Variants in SPDYE5 observed in about 807,000 individuals in gnomAD.
The protein encoded by SPDYE5 is speedy/RINGO cell cycle regulator family member E5.
SPDYE5 carries 15 observed loss-of-function variants against 48.5 expected under a neutral mutation model. The ratio of observed to expected loss-of-function variants is 0.31; its 90% CI spans 0.21 to 0.48. The LOEUF (loss-of-function observed/expected upper bound fraction) is 0.48, where lower values mean the gene tolerates loss of function less well. Among genes scored for constraint, SPDYE5 ranks in the 20% least tolerant of loss-of-function variants. The probability of loss-of-function intolerance (pLI) is 0.99; values close to 1 mark genes in which losing one functional copy is unlikely to be tolerated. For synonymous variants in SPDYE5, 116 were observed against 200.7 expected (o/e 0.58, Z 3.57); for missense variants, 331 against 549.1 (o/e 0.60, Z 3.97).
intron 8 of SPDYE5, among the ~76,000 whole-genome samples, chr7:75,502,351 T>C (rs1478854555): frequency 8.6e-5 from 13 of 151,534 alleles, no homozygotes; most frequent in Admixed American, 4.0e-4. Context: ...CAGTGAAGCT[T>C]TGGTTTACAT....
chr7:75,502,604 G>T (rs1793196790), intron 8 of SPDYE5, among the ~76,000 whole-genome samples: 1 of 150,240 alleles, frequency 6.7e-6, no homozygotes, highest in Non-Finnish European at 1.5e-5. Flanking sequence ...CTATGAAGCA[G>T]ATCACTGGGG....
Position 75,497,984 on chromosome 7 carries a change from G to A in SPDYE5, c.657G>A (p.Arg219=). ...TCCTGGCCTGGGACAAAGATCTGAG[G>A]GTGTCGGACAAGGTAAGGTTGTTCT... ...KRFLAWDKDL[R]VSDKYLLAMV... is the part of the protein sequence containing the mutation. Residue 219 remains arginine, a synonymous_variant, in exon 5 of 9, where the codon AGG becomes AGA. Coordinates refer to ENST00000625065, the MANE Select transcript of SPDYE5 (RefSeq NM_001306141.4). The A allele has an allele frequency of 6.3e-7, 1 of 1,596,450 alleles. No homozygotes were observed. The highest frequency in any genetic ancestry group is 8.5e-7 in the Non-Finnish European group (1 of 1,179,474).
intron 5 of SPDYE5, 21 bp from the exon 6 acceptor site, chr7:75,499,208 CTG>C: frequency 9.9e-7 from 1 of 1,007,390 alleles, no homozygotes; most frequent in Non-Finnish European, 1.6e-6. Flanking sequence ...CTCTCCCTCT[CTG>C]TGTTCCTTTC....
At position 75,503,791 on chromosome 7, in the gene SPDYE5, A is replaced by G. The variant is rs1793232570; in HGVS notation, c.*1004A>G. The G allele has an allele frequency of 1.3e-5, 2 of 149,632 alleles. No individual in the cohort carries two copies. Among genetic ancestry groups the G allele is most frequent in the African/African-American group, 4.9e-5 (2 of 41,074 alleles). The allele number at this position is 149,632 out of a possible 1,614,324, so 9.3% of individuals were successfully genotyped here. On this transcript the variant is annotated 3_prime_UTR_variant, in exon 9 of 9. Coordinates refer to ENST00000625065, the MANE Select transcript of SPDYE5 (RefSeq NM_001306141.4). ...TAAATATTATTTTATTTATTGAAAT[A>G]TTTATTAAATATATTTATTTAAATA...
At chr7:75,491,702 ATTTTTT>A (rs782071463), upstream of SPDYE5, among the ~76,000 whole-genome samples, 8 of 70,908 alleles carry the variant, frequency 1.1e-4, no homozygotes, top group African/African-American at 1.6e-4. Context: ...CTGTTTAGCC[ATTTTTT>A]TTTTTTTTTT....
chr7:75,500,610 C>T lies in SPDYE5; in HGVS notation c.756-752C>T, dbSNP rs1457554506. On this transcript the variant is annotated intron_variant, in intron 6 of 8. Coordinates refer to ENST00000625065, the MANE Select transcript of SPDYE5 (RefSeq NM_001306141.4). ...GTGCAGTGGTGAGATCATAGCTCAT[C>T]GCAGCCTCCATATCCTGGGCTCAAG... is the stretch of plus-strand genomic sequence containing the variant. 1.1e-4 allele frequency among the ~76,000 whole-genome samples: 17 copies of T among 151,008 alleles called. No individual in the cohort carries two copies. The East Asian group carries it at 1.2e-3, about 10-fold the overall frequency.
chr7:75,494,031 G>A lies in SPDYE5; in HGVS notation c.-17G>A, dbSNP rs1213326194. The A allele has an allele frequency of 2.6e-6, 3 of 1,168,176 alleles. No homozygotes were observed. Among genetic ancestry groups the A allele is most frequent in the Admixed American group, 2.7e-5 (1 of 37,548 alleles). 72.4% of individuals were successfully genotyped at this position (1,168,176 alleles called of 1,614,324 possible). A position where few individuals can be genotyped will look rare whatever the true frequency, so the allele number is the denominator to read the frequency against. On this transcript the variant is annotated 5_prime_UTR_variant, in exon 2 of 9. The change creates a new upstream start codon in the 5' untranslated region. Coordinates refer to ENST00000625065, the MANE Select transcript of SPDYE5 (RefSeq NM_001306141.4). ...TAACATACTCTTCTGGATCCTAGCA[G>A]TGATCAGAAGAAGGCCATGGACAGA...
rs1317359438 is a variant in SPDYE5 at position 75,493,942 on chromosome 7, T to C, written c.-106T>C. 1.1e-5 allele frequency: 17 copies of C among 1,498,970 alleles called. No homozygotes were observed. Among genetic ancestry groups the C allele is most frequent in the Admixed American group, 2.1e-5 (1 of 47,674 alleles). The allele number at this position is 1,498,970 out of a possible 1,614,324, so 92.9% of individuals were successfully genotyped here. ...GGACTCCGTGGTGCCTGGAGATCAG[T>C]TGGACAACAGTATCTTCTCAGAGCT... On this transcript the variant is annotated 5_prime_UTR_variant, in exon 2 of 9. Transcript: ENST00000625065.
chr7:75,503,197 A>T lies in SPDYE5; in HGVS notation c.*410A>T, dbSNP rs1161940532. The stretch of plus-strand genomic sequence containing the variant: ...ACAGTCCAGAAGCATTTGAAGGCAC[A>T]ATGCAGGGGCTCAGATTGGCACAGA... On this transcript the variant is annotated 3_prime_UTR_variant, in exon 9 of 9. Transcript: ENST00000625065. 8.2e-6 allele frequency: 3 copies of T among 365,952 alleles called. No individual in the cohort carries two copies. The highest frequency in any genetic ancestry group is 7.6e-5 in the Admixed American group (2 of 26,204). 22.7% of individuals were successfully genotyped at this position (365,952 alleles called of 1,614,324 possible). A position where few individuals can be genotyped will look rare whatever the true frequency, so the allele number is the denominator to read the frequency against.
At chr7:75,498,248 C>T (rs1378382114) in intron 5 of SPDYE5, among the ~76,000 whole-genome samples, 3 of 150,570 alleles carry the variant, frequency 2.0e-5, no homozygotes, top group Admixed American at 6.7e-5. Flanking sequence ...CCTCAGCCTC[C>T]AAGCAGCTGG....
intron 7 of SPDYE5, 36 bp downstream of exon 7, chr7:75,501,791 G>T (rs1563170894): frequency 6.2e-7 from 1 of 1,612,418 alleles, no homozygotes; most frequent in East Asian, 2.2e-5. Context: ...GAGGTGGGGA[G>T]GAATCGGGTG....
rs587746101 is a variant in SPDYE5, at chr7:75,502,846, G to A, written c.*59G>A. On this transcript the variant is annotated 3_prime_UTR_variant, in exon 9 of 9. Transcript: ENST00000625065. ...TCTCACTTCCAGAACACCGGACCCAGGGGAGATGTGGATTTTCAGCAGGAA... is the reference window on the plus strand; with the variant it reads ...TCTCACTTCCAGAACACCGGACCCAAGGGAGATGTGGATTTTCAGCAGGAA... The A allele has an allele frequency of 4.0e-6, 4 of 1,004,586 alleles. No homozygotes were observed. Among genetic ancestry groups the A allele is most frequent in the East Asian group, 5.9e-5 (1 of 17,002 alleles). The allele number at this position is 1,004,586 out of a possible 1,614,324, so 62.2% of individuals were successfully genotyped here.
At chr7:75,495,541 AG>A (rs1792894324) in intron 3 of SPDYE5, among the ~76,000 whole-genome samples, 167 bp downstream of exon 3, 2 of 152,260 alleles carry the variant, frequency 1.3e-5, no homozygotes, top group Non-Finnish European at 2.9e-5. Context: ...GAGACGATAG[AG>A]GACTAGGCTA....
At position 75,501,413 on chromosome 7, in the gene SPDYE5, C is replaced by T. The variant is rs202195678; in HGVS notation, c.807C>T (p.Ile269=). The T allele has an allele frequency of 4.5e-3, 7,194 of 1,612,760 alleles. 33 individuals carry two copies. The highest frequency in any genetic ancestry group is 5.2e-3 in the Non-Finnish European group (6,168 of 1,180,004). The change falls in exon 7 of 9, where the codon ATC becomes ATT. Residue 269 remains isoleucine (I), a synonymous_variant. Transcript: ENST00000625065. Reference sequence around the variant, plus strand: ...ACGACGAGGACTCCAAACAAAACATCTTCCACTTCCTGTATGGGAAGAACC... The same window carrying T: ...ACGACGAGGACTCCAAACAAAACATTTTCCACTTCCTGTATGGGAAGAACC... ...EEDDEDSKQN[I]FHFLYGKNRS... is the part of the protein sequence containing the mutation.
intron 5 of SPDYE5, 127 bp downstream of exon 5, chr7:75,498,123 T>A: frequency 2.4e-5 from 12 of 491,878 alleles, no homozygotes; most frequent in East Asian, 1.6e-3. Flanking sequence ...TTTTTTTTTT[T>A]TTTTTTTTTT....
In SPDYE5 at chr7:75,493,856, G is replaced by A; in HGVS notation, c.-192G>A. ...AGTTACATGTGTTTTTTTTCAAACT[G>A]GTTGCCAGGTTGGCATGAGCGATGA... On this transcript the variant is annotated 5_prime_UTR_variant, in exon 2 of 9. It introduces an in-frame stop codon into an upstream open reading frame of the 5' UTR. Transcript: ENST00000625065. 6.9e-7 allele frequency: 1 copy of A among 1,439,824 alleles called. No individual in the cohort carries two copies. The highest frequency in any genetic ancestry group is 9.1e-7 in the Non-Finnish European group (1 of 1,102,092). 89.2% of individuals were successfully genotyped at this position (1,439,824 alleles called of 1,614,324 possible).
chr7:75,498,928 T>G (rs1793042178), intron 5 of SPDYE5, among the ~76,000 whole-genome samples: 1 of 151,132 alleles, frequency 6.6e-6, no homozygotes, highest in Admixed American at 6.6e-5. Flanking sequence ...TCAGGACAGT[T>G]CTCTGCCTGG....
intron 3 of SPDYE5, among the ~76,000 whole-genome samples, chr7:75,496,034 A>AG (rs1554482477): frequency 1.4e-5 from 2 of 147,836 alleles, no homozygotes; most frequent in African/African-American, 2.5e-5. Context: ...AAAAAAAAAA[A>AG]GAAGGAAGGA....
At chr7:75,500,691 AC>A (rs1250304400) in intron 6 of SPDYE5, among the ~76,000 whole-genome samples, 1 of 151,798 alleles carries the variant, frequency 6.6e-6, no homozygotes, top group Non-Finnish European at 1.5e-5. Flanking sequence ...GTGCCACCAC[AC>A]CTGGACTGTT....
Sources: allele counts gnomAD v4.1 joint callset (sites outside exome capture counted in the v4.1 genomes callset), GRCh38; gene constraint gnomAD v4.1.1; transcripts MANE v1.5; gene names NCBI Gene and HGNC (gene_info 2026-07-23, HGNC 2026-07-21).